The following ZNF710 variants were observed in gnomAD, a reference collection of about 807,000 sequenced individuals.
ZNF710 encodes zinc finger protein 710.
ZNF710 carries 13 observed loss-of-function variants against 50.6 expected under a neutral mutation model. That is an observed-to-expected ratio of 0.26 (90% CI 0.17 to 0.41). The LOEUF (loss-of-function observed/expected upper bound fraction) is 0.41, where lower values mean the gene tolerates loss of function less well. Ranked by LOEUF, ZNF710 falls within the 10% of genes least tolerant of loss-of-function variation. The pLI is 1.00. For missense variants in ZNF710, 721 were observed against 936.6 expected (o/e 0.77, Z 3.01); for synonymous variants, 383 against 397.0 (o/e 0.96, Z 0.42).
intron 1 of ZNF710, among the ~76,000 whole-genome samples, chr15:90,037,380 G>A (rs1368715085): frequency 1.3e-5 from 2 of 152,186 alleles, no homozygotes; most frequent in Non-Finnish European, 2.9e-5. Flanking sequence ...GTCAGGAACC[G>A]CTCCTTCCAC....
At chr15:90,022,232 CG>C (rs1567223533) in intron 1 of ZNF710, among the ~76,000 whole-genome samples, 1 of 150,586 alleles carries the variant, frequency 6.6e-6, no homozygotes, top group Non-Finnish European at 1.5e-5. Context: ...AAAAATTAGC[CG>C]GGTGTGGTGG....
At chr15:90,048,361 A>G (rs1411962434) in intron 1 of ZNF710, among the ~76,000 whole-genome samples, 1 of 152,222 alleles carries the variant, frequency 6.6e-6, no homozygotes, top group Non-Finnish European at 1.5e-5. Flanking sequence ...CATTTGGAGG[A>G]GAGAACCCAC....
At chr15:90,035,512 C>T (rs985533085) in intron 1 of ZNF710, among the ~76,000 whole-genome samples, 3 of 152,238 alleles carry the variant, frequency 2.0e-5, no homozygotes, top group African/African-American at 4.8e-5. Flanking sequence ...TCTTATGTGC[C>T]GGGACAGGAT....
chr15:90,058,873 T>C (rs1899916961), intron 1 of ZNF710, among the ~76,000 whole-genome samples: 1 of 152,096 alleles, frequency 6.6e-6, no homozygotes, highest in Non-Finnish European at 1.5e-5. Flanking sequence ...CAGAATTCTT[T>C]CTCTGGGAAG....
chr15:90,070,972 C>G (rs1177107215), intron 2 of ZNF710, among the ~76,000 whole-genome samples: 1 of 152,132 alleles, frequency 6.6e-6, no homozygotes, highest in African/African-American at 2.4e-5. Context: ...TTAAAAATCC[C>G]AAGTCCAGGG....
At chr15:90,058,770 C>T (rs2151516149) in intron 1 of ZNF710, among the ~76,000 whole-genome samples, 1 of 151,452 alleles carries the variant, frequency 6.6e-6, no homozygotes, top group East Asian at 1.9e-4. Flanking sequence ...AAGGAATTGG[C>T]TCCTGTGATT....
In ZNF710 at chr15:90,038,704, G is replaced by A. The variant is rs1020355021; in HGVS notation, c.-28-28406G>A. Among the ~76,000 whole-genome samples the A allele has an allele frequency of 3.6e-5, 3 of 83,034 alleles. No individual in the cohort carries two copies. In the South Asian group the frequency reaches 1.4e-3, roughly 40 times the overall value. The allele number at this position is 83,034 out of a possible 152,430, so 54.5% of individuals were successfully genotyped here. A position where few individuals can be genotyped will look rare whatever the true frequency, so the allele number is the denominator to read the frequency against. ...TCTTTTAATCTAGAACAGCCTCCCT[G>A]CTCTGTGTGTGTGTGTGTGTGTGTG... On this transcript the variant is annotated intron_variant, in intron 1 of 4. Coordinates refer to ENST00000268154, the MANE Select transcript of ZNF710 (RefSeq NM_198526.4).
At chr15:90,008,648 A>G (rs908710004) in intron 1 of ZNF710, among the ~76,000 whole-genome samples, 2 of 150,912 alleles carry the variant, frequency 1.3e-5, no homozygotes, top group African/African-American at 4.9e-5. Flanking sequence ...AGTCGGTGGC[A>G]CGTGTAGCTG....
chr15:90,022,101 G>A (rs1018545543), intron 1 of ZNF710, among the ~76,000 whole-genome samples: 2 of 151,638 alleles, frequency 1.3e-5, no homozygotes, highest in Non-Finnish European at 2.9e-5. Flanking sequence ...AACAAGGCTG[G>A]GTACAGTGGC....
chr15:90,020,180 C>CAGA (rs933366679), intron 1 of ZNF710, among the ~76,000 whole-genome samples: 1 of 152,232 alleles, frequency 6.6e-6, no homozygotes, highest in Non-Finnish European at 1.5e-5. Context: ...CCGGCTCTTC[C>CAGA]TCCTTTTCCG....
chr15:90,049,756 C>T (rs1297391086), intron 1 of ZNF710, among the ~76,000 whole-genome samples: 1 of 152,230 alleles, frequency 6.6e-6, no homozygotes, highest in Non-Finnish European at 1.5e-5. Context: ...CTCTACCCTG[C>T]AGCCAACAGG....
intron 1 of ZNF710, among the ~76,000 whole-genome samples, chr15:90,003,334 A>G (rs1352122146): frequency 3.9e-5 from 6 of 152,136 alleles, no homozygotes; most frequent in Non-Finnish European, 7.3e-5. Flanking sequence ...TGCAGTGTAC[A>G]TAACTAGTCC....
chr15:90,026,493 T>C (rs1471815241), intron 1 of ZNF710, among the ~76,000 whole-genome samples: 1 of 152,180 alleles, frequency 6.6e-6, no homozygotes, highest in African/African-American at 2.4e-5. Flanking sequence ...TTTTTGCTAG[T>C]TAATTATTTT....
At chr15:90,074,071 A>AGCAG (rs2151537657) in intron 3 of ZNF710, 45 bp from the exon 4 acceptor site, 1 of 1,571,412 alleles carries the variant, frequency 6.4e-7, no homozygotes, top group African/African-American at 1.4e-5. Flanking sequence ...GTCCGGGGAA[A>AGCAG]GCAGGTTCCC....
intron 1 of ZNF710, among the ~76,000 whole-genome samples, chr15:90,008,724 T>C (rs185082685): frequency 1.1e-4 from 17 of 150,986 alleles, no homozygotes; most frequent in Non-Finnish European, 2.4e-4. Flanking sequence ...GAGGCTGCAG[T>C]GAGCTATGAT....
chr15:90,003,280 C>G (rs2151454272), intron 1 of ZNF710, among the ~76,000 whole-genome samples: 1 of 152,288 alleles, frequency 6.6e-6, no homozygotes, highest in African/African-American at 2.4e-5. Flanking sequence ...ACCCTGAGCA[C>G]CTTTCTTGCT....
intron 1 of ZNF710, among the ~76,000 whole-genome samples, chr15:90,013,339 G>A (rs921954801): frequency 6.6e-6 from 1 of 152,202 alleles, no homozygotes; most frequent in African/African-American, 2.4e-5. Flanking sequence ...CTGACCTCAA[G>A]TGATCTGCCC....
At chr15:90,021,064 C>T (rs1292381705) in intron 1 of ZNF710, among the ~76,000 whole-genome samples, 1 of 144,306 alleles carries the variant, frequency 6.9e-6, no homozygotes, top group Non-Finnish European at 1.5e-5. Context: ...AGGGTTTCAG[C>T]CCTGGGTTCC....
At chr15:90,071,153 C>G (rs557874097) in intron 2 of ZNF710, among the ~76,000 whole-genome samples, 1 of 151,446 alleles carries the variant, frequency 6.6e-6, no homozygotes, top group African/African-American at 2.4e-5. Flanking sequence ...CCCAGCTACT[C>G]GGGAGGCTGA....
Sources: gnomAD v4.1 joint callset for allele counts (sites outside exome capture counted in the v4.1 genomes callset) on GRCh38, gnomAD v4.1.1 for gene constraint, MANE v1.5 for transcripts, NCBI Gene and HGNC (gene_info 2026-07-23, HGNC 2026-07-21) for gene names.